Variants in PARM1 observed in about 807,000 individuals in gnomAD.
PARM1 encodes the protein prostate androgen-regulated mucin-like protein 1, also known as WSC4, cell wall integrity and stress response component 4 homolog.
Under a neutral mutation model 24.6 loss-of-function variants are expected in PARM1, and 14 were observed. The observed-to-expected ratio is 0.57, with a 90% CI of 0.38 to 0.89. The LOEUF (loss-of-function observed/expected upper bound fraction) is 0.89. Among genes scored for constraint, PARM1 ranks in the 40% least tolerant of loss-of-function variants. The pLI is 0.00. For synonymous variants in PARM1, 179 were observed against 156.6 expected, an observed-to-expected ratio of 1.14 and a Z score of -1.07; for missense variants, 362 against 380.4, an observed-to-expected ratio of 0.95 and a Z score of 0.40.
At chr4:74,962,364 C>CAGAA (rs558861604) in intron 1 of PARM1, among the ~76,000 whole-genome samples, 70 of 151,926 alleles carry the variant, frequency 4.6e-4, no homozygotes, top group African/African-American at 1.6e-3. Flanking sequence ...ATCAACTAAA[C>CAGAA]AGGAAGACAG....
intron 2 of PARM1, among the ~76,000 whole-genome samples, chr4:75,017,421 T>C (rs1723009398): frequency 6.6e-6 from 1 of 152,156 alleles, no homozygotes. Context: ...CTCAGGGATT[T>C]TGCAGTTACC....
intron 1 of PARM1, among the ~76,000 whole-genome samples, chr4:74,995,766 T>C (rs6533957): frequency 0.21 from 31,713 of 151,986 alleles, 4,031 homozygotes; most frequent in East Asian, 0.35. Flanking sequence ...CTAGCAGCTT[T>C]TCCTGCCTCC....
intron 1 of PARM1, among the ~76,000 whole-genome samples, chr4:74,994,844 G>A (rs145469788): frequency 1.6e-3 from 224 of 143,220 alleles, no homozygotes; most frequent in African/African-American, 5.1e-3. Context: ...AAATGGCAAT[G>A]TAAATGATGC....
chr4:74,951,890 A>G (rs1349859230), intron 1 of PARM1, among the ~76,000 whole-genome samples: 2 of 152,228 alleles, frequency 1.3e-5, no homozygotes, highest in African/African-American at 4.8e-5. Context: ...TAGTGCTGCA[A>G]TAAACATACA....
chr4:74,937,290 C>T (rs1721214298), intron 1 of PARM1, among the ~76,000 whole-genome samples: 1 of 152,216 alleles, frequency 6.6e-6, no homozygotes, highest in Admixed American at 6.5e-5. Context: ...TGAAGAGTCA[C>T]TTGCATTCCT....
At chr4:75,010,633 A>G (rs1054121685) in intron 1 of PARM1, among the ~76,000 whole-genome samples, 1 of 152,220 alleles carries the variant, frequency 6.6e-6, no homozygotes. Flanking sequence ...GACACAATCA[A>G]AGTGATGACG....
chr4:75,028,430 A>T (rs1160098726), intron 2 of PARM1, among the ~76,000 whole-genome samples: 2 of 152,140 alleles, frequency 1.3e-5, no homozygotes, highest in Admixed American at 6.5e-5. Context: ...TGACTGAAGG[A>T]GCTGCGGCAC....
intron 1 of PARM1, among the ~76,000 whole-genome samples, chr4:74,962,405 A>T (rs915980442): frequency 1.3e-5 from 2 of 152,236 alleles, no homozygotes; most frequent in Non-Finnish European, 2.9e-5. Flanking sequence ...AAAAAAAGCT[A>T]TAAGGAATAT....
intron 1 of PARM1, among the ~76,000 whole-genome samples, chr4:74,941,200 A>G (rs1339670300): frequency 6.6e-6 from 1 of 152,208 alleles, no homozygotes; most frequent in South Asian, 2.1e-4. Flanking sequence ...GTTGATGGAA[A>G]TGACATTCAG....
At chr4:75,022,345 G>A (rs1055647372) in intron 2 of PARM1, among the ~76,000 whole-genome samples, 2 of 152,108 alleles carry the variant, frequency 1.3e-5, no homozygotes, top group Non-Finnish European at 2.9e-5. Flanking sequence ...AAATTATTCC[G>A]AATTATTGTC....
rs374496830 is a variant in PARM1, at chr4:75,012,573, G to A, written c.192G>A (p.Ser64=). 57 of 1,613,826 alleles carry A rather than the reference G, an allele frequency of 3.5e-5. No individual in the cohort carries two copies. The highest frequency in any genetic ancestry group is 1.1e-4 in the East Asian group (5 of 44,866). The change falls in exon 2 of 4, where the codon TCG becomes TCA. Residue 64 remains serine (S), a synonymous_variant. Transcript: ENST00000307428. ...CATCCAACGGCACTCACAACAACTC[G>A]GTGCTCCCAGTTACAGCATCAGCCC... ...ASPSNGTHNN[S]VLPVTASAPT...
chr4:75,043,553 A>G (rs1017052877), intron 3 of PARM1, among the ~76,000 whole-genome samples: 3 of 152,212 alleles, frequency 2.0e-5, no homozygotes, highest in South Asian at 2.1e-4. Context: ...GAGAAGTTCA[A>G]TTACCATACA....
intron 1 of PARM1, among the ~76,000 whole-genome samples, chr4:74,971,581 T>C (rs1363240549): frequency 6.6e-6 from 1 of 152,236 alleles, no homozygotes; most frequent in African/African-American, 2.4e-5. Flanking sequence ...AAGTGTCTGA[T>C]AGTTGACACT....
chr4:74,975,906 T>C (rs113242202), intron 1 of PARM1, among the ~76,000 whole-genome samples: 14 of 152,292 alleles, frequency 9.2e-5, no homozygotes, highest in African/African-American at 3.1e-4. Context: ...TTCAGGTTTT[T>C]CTCATTGGGA....
chr4:75,040,347 A>G (rs1188311911), intron 3 of PARM1, among the ~76,000 whole-genome samples: 1 of 152,238 alleles, frequency 6.6e-6, no homozygotes, highest in Non-Finnish European at 1.5e-5. Flanking sequence ...ATAATTTTTT[A>G]AATAAACAAA....
At chr4:74,955,512 TG>T (rs1433499025) in intron 1 of PARM1, among the ~76,000 whole-genome samples, 10 of 152,260 alleles carry the variant, frequency 6.6e-5, no homozygotes, top group African/African-American at 2.4e-4. Flanking sequence ...CCAAAGATTT[TG>T]TCCAAGACCT....
rs375799588 is a variant in PARM1 at position 75,030,251 on chromosome 4, A to G, written c.770-3632A>G. Among the ~76,000 whole-genome samples, 4 of 152,356 alleles carry G rather than the reference A, an allele frequency of 2.6e-5. No homozygotes were observed. In the East Asian group the frequency reaches 5.8e-4, roughly 22 times the overall value. ...AAATGCAAAACCAGGACTAAATAGT[A>G]CTGGGTCCAAATGATAGTTCAATCA... On this transcript the variant is annotated intron_variant, in intron 2 of 3. Coordinates refer to ENST00000307428, the MANE Select transcript of PARM1 (RefSeq NM_015393.4).
chr4:74,947,417 G>C (rs998135218), intron 1 of PARM1, among the ~76,000 whole-genome samples: 8 of 152,128 alleles, frequency 5.3e-5, no homozygotes, highest in African/African-American at 1.9e-4. Flanking sequence ...TTATAAACTA[G>C]AAAGAGACTT....
chr4:74,996,223 C>G (rs1482833381), intron 1 of PARM1, among the ~76,000 whole-genome samples: 1 of 152,074 alleles, frequency 6.6e-6, no homozygotes, highest in Non-Finnish European at 1.5e-5. Context: ...ATACCACATT[C>G]TAACTTCATG....
Sources: allele counts gnomAD v4.1 joint callset (sites outside exome capture counted in the v4.1 genomes callset), GRCh38; gene constraint gnomAD v4.1.1; transcripts MANE v1.5; gene names NCBI Gene and HGNC (gene_info 2026-07-23, HGNC 2026-07-21).